The following COP1 variants were observed in gnomAD, a reference collection of about 807,000 sequenced individuals.
The protein encoded by COP1 is COP1 E3 ubiquitin ligase.
COP1 carries 24 observed loss-of-function variants against 101.3 expected under a neutral mutation model. The observed-to-expected ratio is 0.24, with a 90% CI of 0.17 to 0.33. The LOEUF is 0.33. Ranked by LOEUF, COP1 falls within the 10% of genes least tolerant of loss-of-function variation. COP1 has a pLI of 1.00. For synonymous variants in COP1, 347 were observed against 341.9 expected, an observed-to-expected ratio of 1.01 and a Z score of -0.17; for missense variants, 663 against 906.2, an observed-to-expected ratio of 0.73 and a Z score of 3.45.
intron 6 of COP1, among the ~76,000 whole-genome samples, chr1:176,140,841 T>C (rs2149773060): frequency 6.6e-6 from 1 of 152,262 alleles, no homozygotes; most frequent in Admixed American, 6.5e-5. Context: ...ATATATAAGA[T>C]GGAGAACTAA....
chr1:176,147,395 G>A (rs915201987), intron 6 of COP1, among the ~76,000 whole-genome samples: 2 of 152,080 alleles, frequency 1.3e-5, no homozygotes, highest in African/African-American at 4.8e-5. Context: ...TTGTTACCTA[G>A]CTCCTCAGAA....
chr1:176,113,213 T>TA (rs1380598846), intron 9 of COP1, among the ~76,000 whole-genome samples: 2 of 152,346 alleles, frequency 1.3e-5, no homozygotes, highest in East Asian at 3.9e-4. Flanking sequence ...TAACATTTGT[T>TA]ACTTCTATCT....
At chr1:176,179,211 C>T (rs1572709060) in intron 2 of COP1, among the ~76,000 whole-genome samples, 1 of 151,078 alleles carries the variant, frequency 6.6e-6, no homozygotes, top group South Asian at 2.1e-4. Flanking sequence ...AATTGCTTGA[C>T]CCTGGGGGGC....
chr1:176,072,030 T>C (rs1677097693), intron 11 of COP1, among the ~76,000 whole-genome samples: 1 of 152,226 alleles, frequency 6.6e-6, no homozygotes. Context: ...GCTTAGATTG[T>C]TTGTGTTTCC....
chr1:176,030,777 A>G (rs1482267680), intron 14 of COP1, among the ~76,000 whole-genome samples: 2 of 152,208 alleles, frequency 1.3e-5, no homozygotes, highest in African/African-American at 4.8e-5. Context: ...ACAGGTGTTA[A>G]TTGTGTTCCC....
intron 19 of COP1, among the ~76,000 whole-genome samples, chr1:175,946,310 T>C (rs1649164105): frequency 6.6e-6 from 1 of 152,244 alleles, no homozygotes; most frequent in South Asian, 2.1e-4. Flanking sequence ...GTGCAGTTCT[T>C]CTGCGTTAAG....
At chr1:176,031,585 CTG>C (rs1314745888) in intron 14 of COP1, among the ~76,000 whole-genome samples, 1 of 152,144 alleles carries the variant, frequency 6.6e-6, no homozygotes, top group Non-Finnish European at 1.5e-5. Context: ...ATAAAATACA[CTG>C]TATTTATTTA....
At chr1:176,180,365 C>T (rs1052456255) in intron 2 of COP1, among the ~76,000 whole-genome samples, 3 of 152,112 alleles carry the variant, frequency 2.0e-5, no homozygotes, top group Non-Finnish European at 4.4e-5. Flanking sequence ...CATTCTCATT[C>T]ATCTAATCTA....
intron 11 of COP1, among the ~76,000 whole-genome samples, chr1:176,063,779 A>G (rs536515529): frequency 7.9e-5 from 12 of 152,368 alleles, no homozygotes; most frequent in African/African-American, 2.9e-4. Flanking sequence ...ATACACAAAT[A>G]GGAAACTTTC....
chr1:176,004,816 T>G lies in COP1; in HGVS notation c.1730-15337A>C, dbSNP rs183764826. 1.5e-3 allele frequency among the ~76,000 whole-genome samples: 225 copies of G among 151,398 alleles called. 2 individuals carry two copies. The highest frequency in any genetic ancestry group is 5.1e-3 in the African/African-American group (210 of 41,420). On this transcript the variant is annotated intron_variant, in intron 15 of 19. Coordinates refer to ENST00000367669, the MANE Select transcript of COP1 (RefSeq NM_022457.7). ...AAGGATATTGGTCTAAAATTCTCTT[T>G]TTTGGTTGTGTCTCTGCCCGGCTTT...
intron 11 of COP1, among the ~76,000 whole-genome samples, chr1:176,055,997 TTTAGC>T (rs1250823981): frequency 1.3e-5 from 2 of 152,138 alleles, no homozygotes; most frequent in Non-Finnish European, 2.9e-5. Flanking sequence ...TCTGGGCACT[TTTAGC>T]TATGTCCCAT....
intron 8 of COP1, among the ~76,000 whole-genome samples, chr1:176,120,455 A>T (rs1317480463): frequency 6.6e-6 from 1 of 152,112 alleles, no homozygotes; most frequent in Non-Finnish European, 1.5e-5. Flanking sequence ...AGCTTAATAA[A>T]GACATCAAAA....
chr1:175,992,333 GA>G (rs1347952098), intron 15 of COP1, among the ~76,000 whole-genome samples: 1 of 152,228 alleles, frequency 6.6e-6, no homozygotes, highest in African/African-American at 2.4e-5. Context: ...GAAGACGGGT[GA>G]TTTTGCATTT....
chr1:175,959,359 C>T (rs569396682), intron 18 of COP1, among the ~76,000 whole-genome samples: 50 of 152,140 alleles, frequency 3.3e-4, no homozygotes, highest in African/African-American at 1.2e-3. Flanking sequence ...TTAATGATAA[C>T]ATCTTTAAAA....
chr1:176,168,296 A>T (rs1157500355), intron 3 of COP1, among the ~76,000 whole-genome samples: 2 of 151,486 alleles, frequency 1.3e-5, no homozygotes, highest in African/African-American at 4.9e-5. Flanking sequence ...TGACCTCGTG[A>T]TCCGCCCGTG....
rs928943964 is a variant in COP1 at position 176,125,659 on chromosome 1, G to A, written c.969-8978C>T. Among the ~76,000 whole-genome samples, 10 of 152,088 alleles carry A rather than the reference G, an allele frequency of 6.6e-5. No homozygotes were observed. The East Asian group carries it at 1.9e-3, about 29-fold the overall frequency. On this transcript the variant is annotated intron_variant, in intron 8 of 19. Transcript: ENST00000367669. The stretch of plus-strand genomic sequence containing the variant: ...GTATAATGTAAAATCAGGTAATAAC[G>A]ATTCCTCTACTTTTGTTCTTTTTGC...
intron 18 of COP1, among the ~76,000 whole-genome samples, chr1:175,975,487 G>GCAAT (rs1654316384): frequency 2.0e-5 from 3 of 152,088 alleles, no homozygotes; most frequent in Admixed American, 6.6e-5. Context: ...TCGGCTCACT[G>GCAAT]CAATCTCTGC....
intron 6 of COP1, among the ~76,000 whole-genome samples, chr1:176,144,042 A>T (rs1488984084): frequency 6.6e-6 from 1 of 152,176 alleles, no homozygotes; most frequent in African/African-American, 2.4e-5. Context: ...CTTTGAGATC[A>T]GCATCAAGAC....
chr1:176,124,936 C>T lies in COP1; in HGVS notation c.969-8255G>A, dbSNP rs531760173. The stretch of plus-strand genomic sequence containing the variant: ...ACATCTTCACTAGCATTTGTTACTG[C>T]CAAACTTTTGGATAAAAGTCATTTT... On this transcript the variant is annotated intron_variant, in intron 8 of 19. Coordinates refer to ENST00000367669, the MANE Select transcript of COP1 (RefSeq NM_022457.7). Among the ~76,000 whole-genome samples, 13 of 152,212 alleles carry T rather than the reference C, an allele frequency of 8.5e-5. No individual in the cohort carries two copies. The South Asian group carries it at 2.7e-3, about 32-fold the overall frequency.
Sources: allele counts gnomAD v4.1 joint callset (sites outside exome capture counted in the v4.1 genomes callset), GRCh38; gene constraint gnomAD v4.1.1; transcripts MANE v1.5; gene names NCBI Gene and HGNC (gene_info 2026-07-23, HGNC 2026-07-21).